GRID2: variants seen among roughly 807,000 people sequenced by gnomAD.
The protein encoded by GRID2 is glutamate receptor ionotropic, delta-2.
GRID2 carries 33 observed loss-of-function variants against 114.8 expected under a neutral mutation model. The ratio of observed to expected loss-of-function variants is 0.29; its 90% CI spans 0.22 to 0.38. The LOEUF (loss-of-function observed/expected upper bound fraction) is 0.38. Among genes scored for constraint, GRID2 ranks in the 10% least tolerant of loss-of-function variants. The pLI is 1.00. For missense variants in GRID2, 1,184 were observed against 1,257.7 expected (o/e 0.94, Z 0.89); for synonymous variants, 505 against 449.9 (o/e 1.12, Z -1.55).
chr4:93,631,264 C>T (rs143680607), intron 14 of GRID2, among the ~76,000 whole-genome samples: 5,591 of 151,576 alleles, frequency 0.037, 349 homozygotes, highest in African/African-American at 0.13. Flanking sequence ...ATGTGCACAA[C>T]GTGCAGGTTT....
chr4:93,798,952 A>C (rs1055745785), intron 1 of GRID2, among the ~76,000 whole-genome samples: 1 of 152,218 alleles, frequency 6.6e-6, no homozygotes, highest in African/African-American at 2.4e-5. Flanking sequence ...AAAACAATAC[A>C]GAGAAAAAAG....
intron 1 of GRID2, among the ~76,000 whole-genome samples, chr4:92,313,746 G>A (rs1414662108): frequency 4.6e-5 from 7 of 152,062 alleles, no homozygotes; most frequent in Admixed American, 4.6e-4. Context: ...TATGCAAATG[G>A]AGATTTGATT....
At chr4:93,312,100 T>G (rs1756082300) in intron 8 of GRID2, among the ~76,000 whole-genome samples, 1 of 152,172 alleles carries the variant, frequency 6.6e-6, no homozygotes, top group Admixed American at 6.5e-5. Flanking sequence ...TTTCATCCTC[T>G]GTGATTTCTT....
intron 14 of GRID2, among the ~76,000 whole-genome samples, chr4:93,664,358 G>T (rs1723768279): frequency 6.6e-6 from 1 of 152,218 alleles, no homozygotes. Context: ...CTGAATGAAG[G>T]TTTAAAAGGA....
At chr4:92,420,908 C>T (rs1213991973) in intron 1 of GRID2, among the ~76,000 whole-genome samples, 1 of 152,170 alleles carries the variant, frequency 6.6e-6, no homozygotes, top group East Asian at 1.9e-4. Flanking sequence ...TGATCTCAAA[C>T]TCCTAGCCTC....
At chr4:93,587,071 T>G (rs1737606265) in intron 13 of GRID2, among the ~76,000 whole-genome samples, 1 of 152,124 alleles carries the variant, frequency 6.6e-6, no homozygotes, top group Non-Finnish European at 1.5e-5. Context: ...AAGACTTAGA[T>G]CTCTTCTCCT....
intron 8 of GRID2, among the ~76,000 whole-genome samples, chr4:93,385,935 A>G (rs746639047): frequency 2.0e-5 from 3 of 152,204 alleles, no homozygotes; most frequent in Non-Finnish European, 4.4e-5. Context: ...TGAGTTAGAT[A>G]TGTATTCACA....
chr4:92,476,272 G>T (rs531554187), intron 1 of GRID2, among the ~76,000 whole-genome samples: 1 of 151,992 alleles, frequency 6.6e-6, no homozygotes, highest in Non-Finnish European at 1.5e-5. Flanking sequence ...TGATCCGCCC[G>T]CCTTGGCTTC....
At chr4:93,376,453 AT>A (rs1265792246) in intron 8 of GRID2, among the ~76,000 whole-genome samples, 3 of 152,262 alleles carry the variant, frequency 2.0e-5, no homozygotes, top group East Asian at 1.9e-4. Context: ...GAAAAAAAAA[AT>A]GACCCATTTT....
chr4:92,699,166 T>C (rs1011872451), intron 2 of GRID2, among the ~76,000 whole-genome samples: 1 of 152,206 alleles, frequency 6.6e-6, no homozygotes, highest in Non-Finnish European at 1.5e-5. Flanking sequence ...TGCCAAACTG[T>C]TGAAACCAAT....
At chr4:93,764,920 C>T (rs1031289898) in intron 14 of GRID2, among the ~76,000 whole-genome samples, 1 of 152,040 alleles carries the variant, frequency 6.6e-6, no homozygotes, top group African/African-American at 2.4e-5. Flanking sequence ...TCAATTTTTG[C>T]ATTGTCATAC....
Position 92,583,537 on chromosome 4 carries a change from A to G in GRID2, c.89-6594A>G, listed in dbSNP as rs185268036. Among the ~76,000 whole-genome samples, 512 of 152,102 alleles carry G rather than the reference A, an allele frequency of 3.4e-3. 3 individuals carry two copies. The highest frequency in any genetic ancestry group is 0.012 in the African/African-American group (493 of 41,528). On this transcript the variant is annotated intron_variant, in intron 1 of 15. Transcript: ENST00000282020. ...CCTATTTCATGCCTGCAAGGATATT[A>G]GCATAGAACATATTAGGAAATGTTC...
At chr4:93,561,191 G>A (rs1045114032) in intron 13 of GRID2, among the ~76,000 whole-genome samples, 1 of 152,070 alleles carries the variant, frequency 6.6e-6, no homozygotes, top group Admixed American at 6.6e-5. Context: ...TGAGTATAAT[G>A]AGTGCATGCT....
intron 4 of GRID2, among the ~76,000 whole-genome samples, chr4:93,138,548 C>A (rs929441269): frequency 6.6e-6 from 1 of 152,122 alleles, no homozygotes; most frequent in Admixed American, 6.5e-5. Flanking sequence ...GTCAAATTGA[C>A]TCATTGAATC....
At chr4:92,973,140 G>A (rs1477029346) in intron 2 of GRID2, among the ~76,000 whole-genome samples, 1 of 152,074 alleles carries the variant, frequency 6.6e-6, no homozygotes, top group East Asian at 1.9e-4. Flanking sequence ...GGGATTGCTG[G>A]GTCAAATGGT....
Position 93,724,539 on chromosome 4 carries a change from A to C in GRID2, c.2361-44671A>C, listed in dbSNP as rs147723549. ...GAAGTCATAAAAACATTACCAAATT[A>C]CATGTAATTTCTCTTCTCTATGTCC... On this transcript the variant is annotated intron_variant, in intron 14 of 15. Coordinates refer to ENST00000282020, the MANE Select transcript of GRID2 (RefSeq NM_001510.4). Among the ~76,000 whole-genome samples the C allele has an allele frequency of 6.1e-3, 936 of 152,272 alleles. 12 individuals carry two copies. Among genetic ancestry groups the C allele is most frequent in the African/African-American group, 0.021 (892 of 41,528 alleles).
At position 93,414,968 on chromosome 4, in the gene GRID2, A is replaced by G. The variant is rs562166098; in HGVS notation, c.1348-7803A>G. On this transcript the variant is annotated intron_variant, in intron 9 of 15. Transcript: ENST00000282020. ...TTTAATATTTGTGTGGCTTTCTGCT[A>G]CATTCCAATATTTAATTAGCTTTAG... Among the ~76,000 whole-genome samples, 13 of 152,240 alleles carry G rather than the reference A, an allele frequency of 8.5e-5. No homozygotes were observed. In the East Asian group the frequency reaches 2.3e-3, roughly 27 times the overall value.
chr4:92,835,726 C>T (rs1478791996), intron 2 of GRID2, among the ~76,000 whole-genome samples: 1 of 152,172 alleles, frequency 6.6e-6, no homozygotes. Context: ...TCCTTCCCTA[C>T]ATTTCCTAAA....
chr4:92,385,676 A>G (rs1362785973), intron 1 of GRID2, among the ~76,000 whole-genome samples: 3 of 151,418 alleles, frequency 2.0e-5, no homozygotes, highest in African/African-American at 4.8e-5. Flanking sequence ...TTCATGAATT[A>G]TTAGGTTTCT....
Sources: gnomAD v4.1 joint callset for allele counts (sites outside exome capture counted in the v4.1 genomes callset) on GRCh38, gnomAD v4.1.1 for gene constraint, MANE v1.5 for transcripts, NCBI Gene and HGNC (gene_info 2026-07-23, HGNC 2026-07-21) for gene names.